RALY: variants seen among roughly 807,000 people sequenced by gnomAD.
RALY encodes the protein RALY heterogeneous nuclear ribonucleoprotein, also known as RNA-binding protein Raly.
In RALY, 15 loss-of-function variants were observed where a neutral mutation model predicts 30.7. The observed-to-expected ratio is 0.49, with a 90% CI of 0.33 to 0.75. The LOEUF is 0.75. Among genes scored for constraint, RALY ranks in the 30% least tolerant of loss-of-function variants. The pLI, the probability that RALY is intolerant of heterozygous loss-of-function variation, is 0.02. For synonymous variants in RALY, 177 were observed against 170.8 expected (o/e 1.04, Z -0.28); for missense variants, 339 against 414.3 (o/e 0.82, Z 1.58).
chr20:34,056,155 C>G (rs1450372817), intron 2 of RALY, among the ~76,000 whole-genome samples: 2 of 152,212 alleles, frequency 1.3e-5, no homozygotes, highest in Admixed American at 1.3e-4. Flanking sequence ...GGCATCATTT[C>G]TTGTTACATC....
chr20:34,051,547 C>T (rs116500416), intron 2 of RALY, among the ~76,000 whole-genome samples: 1,622 of 152,254 alleles, frequency 0.011, 33 homozygotes, highest in African/African-American at 0.037. Flanking sequence ...TATCCTATCT[C>T]ATAGGATAGC....
chr20:34,076,195 G>A (rs1167237624), intron 6 of RALY, 155 bp downstream of exon 6: 1 of 980,638 alleles, frequency 1.0e-6, no homozygotes, highest in Non-Finnish European at 1.5e-6. Flanking sequence ...ATTTCTAAGA[G>A]GAAACAGCTG....
intron 2 of RALY, among the ~76,000 whole-genome samples, chr20:34,059,899 T>A (rs1466567239): frequency 2.6e-5 from 4 of 152,230 alleles, no homozygotes; most frequent in Non-Finnish European, 5.9e-5. Flanking sequence ...TAGAGGGTCC[T>A]CAAAGCACAA....
chr20:34,079,930 C>T lies in RALY; in HGVS notation c.*25C>T. On this transcript the variant is annotated 3_prime_UTR_variant, in exon 10 of 10. Coordinates refer to ENST00000246194, the MANE Select transcript of RALY (RefSeq NM_016732.3). Reference sequence around the variant, plus strand: ...CTCAGCCTGACAGGAGCAATGGCCACCAGCAGGTGAAGGGCATCGCTGCCC... The same window carrying T: ...CTCAGCCTGACAGGAGCAATGGCCATCAGCAGGTGAAGGGCATCGCTGCCC... 6.6e-6 allele frequency: 1 copy of T among 152,528 alleles called. No individual in the cohort carries two copies. 9.4% of individuals were successfully genotyped at this position (152,528 alleles called of 1,614,324 possible).
intron 2 of RALY, among the ~76,000 whole-genome samples, chr20:34,071,074 G>A (rs1464153722): frequency 6.6e-6 from 1 of 152,110 alleles, no homozygotes; most frequent in Non-Finnish European, 1.5e-5. Context: ...TATCATGAGA[G>A]CAGCACCAAG....
At chr20:34,062,536 C>T (rs2033448189) in intron 2 of RALY, among the ~76,000 whole-genome samples, 1 of 152,230 alleles carries the variant, frequency 6.6e-6, no homozygotes, top group African/African-American at 2.4e-5. Flanking sequence ...TTATTCCATT[C>T]CTACCCAGTT....
At chr20:34,026,383 T>C (rs1255963362) in intron 1 of RALY, among the ~76,000 whole-genome samples, 1 of 117,282 alleles carries the variant, frequency 8.5e-6, no homozygotes, top group Non-Finnish European at 1.8e-5. Flanking sequence ...ATTTTATTTA[T>C]TTATTTATTT....
Position 34,035,184 on chromosome 20 carries a change from A to AAAAC in RALY, c.-10+3582_-10+3585dup, listed in dbSNP as rs1355427200. ...AAAAAAAAAAAAAAAAAAAAAAAAA[A>AAAAC]AAACAGTCTGGAGGCCACTTAATTT... On this transcript the variant is annotated intron_variant, in intron 2 of 9. Coordinates refer to ENST00000246194, the MANE Select transcript of RALY (RefSeq NM_016732.3). Among the ~76,000 whole-genome samples, 207 of 142,848 alleles carry AAAAC rather than the reference A, an allele frequency of 1.4e-3. 2 individuals carry two copies. The highest frequency in any genetic ancestry group is 2.3e-3 in the Non-Finnish European group (150 of 65,524). 93.7% of individuals were successfully genotyped at this position (142,848 alleles called of 152,430 possible). A position where few individuals can be genotyped will look rare whatever the true frequency, so the allele number is the denominator to read the frequency against.
Position 34,075,921 on chromosome 20 carries a change from C to T in RALY, c.425C>T (p.Ala142Val), listed in dbSNP as rs767030400. The T allele has an allele frequency of 6.2e-7, 1 of 1,614,014 alleles. No individual in the cohort carries two copies. The highest frequency in any genetic ancestry group is 1.3e-5 in the African/African-American group (1 of 74,926). ...CTGTCGCCCGTGCCAGTGCCCAGGG[C>T]GGTCCCTGTGAAGCGACCCCGGGTC... ...GRLSPVPVPR[A>V]VPVKRPRVTV... Residue 142 changes from alanine to valine, a missense_variant, in exon 6 of 10, where the codon GCG becomes GTG. Ala to Val is a moderately conservative substitution (Grantham distance 64). Transcript: ENST00000246194.
chr20:34,048,075 G>C (rs1032447496), intron 2 of RALY, among the ~76,000 whole-genome samples: 6 of 152,210 alleles, frequency 3.9e-5, no homozygotes, highest in African/African-American at 1.2e-4. Context: ...GGTAGCTCAG[G>C]CAGCTGCTGA....
At chr20:34,017,525 T>C (rs931539073) in intron 1 of RALY, 17 of 152,136 alleles carry the variant, frequency 1.1e-4, no homozygotes, top group African/African-American at 4.1e-4. Flanking sequence ...GTGCAGGGGG[T>C]GGAGAGGGAT....
intron 2 of RALY, among the ~76,000 whole-genome samples, chr20:34,062,320 C>G (rs906547911): frequency 1.1e-4 from 16 of 152,210 alleles, no homozygotes; most frequent in African/African-American, 3.9e-4. Context: ...TCCTCAACAT[C>G]ATATTTTCTA....
At chr20:34,075,211 T>C (rs1242871174) in intron 5 of RALY, among the ~76,000 whole-genome samples, 1 of 151,998 alleles carries the variant, frequency 6.6e-6, no homozygotes, top group Non-Finnish European at 1.5e-5. Flanking sequence ...ACGAAGGATG[T>C]GGTGATTAAG....
chr20:34,007,254 G>A (rs77651280), intron 1 of RALY, among the ~76,000 whole-genome samples: 8 of 152,252 alleles, frequency 5.3e-5, no homozygotes, highest in Admixed American at 3.3e-4. Context: ...TGGGTCAGCC[G>A]GGCACACCTG....
intron 6 of RALY, 53 bp from the exon 7 acceptor site, chr20:34,076,649 G>C: frequency 6.8e-7 from 1 of 1,466,052 alleles, no homozygotes; most frequent in Middle Eastern, 1.7e-4. Context: ...TTTTGTGCTA[G>C]TGTCAAGCCT....
intron 1 of RALY, among the ~76,000 whole-genome samples, chr20:34,008,053 C>T (rs1299528021): frequency 6.6e-6 from 1 of 152,178 alleles, no homozygotes; most frequent in Non-Finnish European, 1.5e-5. Flanking sequence ...GCCTCCCTGT[C>T]ATCCTGTCTT....
chr20:34,035,196 A>C (rs2032450045), intron 2 of RALY, among the ~76,000 whole-genome samples: 1 of 125,870 alleles, frequency 7.9e-6, no homozygotes, highest in African/African-American at 2.8e-5. Context: ...AACAGTCTGG[A>C]GGCCACTTAA....
chr20:34,077,044 T>A lies in RALY; in HGVS notation c.675T>A (p.Gly225=). The A allele has an allele frequency of 6.3e-7, 1 of 1,590,416 alleles. No homozygotes were observed. Among genetic ancestry groups the A allele is most frequent in the Non-Finnish European group, 8.5e-7 (1 of 1,173,708 alleles). ...QKANPDGKKK[G]DGGGAGGGGG... ...CCCCTCAAGATGGCAAGAAGAAGGG[T>A]GATGGAGGTGGCGCCGGCGGCGGCG... The change falls in exon 8 of 10, where the codon GGT becomes GGA. Residue 225 remains glycine (G), a synonymous_variant. Coordinates refer to ENST00000246194, the MANE Select transcript of RALY (RefSeq NM_016732.3).
chr20:34,015,474 T>C (rs937141004), intron 1 of RALY, among the ~76,000 whole-genome samples: 1 of 152,140 alleles, frequency 6.6e-6, no homozygotes, highest in Non-Finnish European at 1.5e-5. Context: ...TGGGTGGAGA[T>C]GTGAATCAGC....
Sources: gnomAD v4.1 joint callset for allele counts (sites outside exome capture counted in the v4.1 genomes callset) on GRCh38, gnomAD v4.1.1 for gene constraint, MANE v1.5 for transcripts, NCBI Gene and HGNC (gene_info 2026-07-23, HGNC 2026-07-21) for gene names.